CBFB: variants seen among roughly 807,000 people sequenced by gnomAD.
CBFB encodes CBF-beta.
CBFB carries 9 observed loss-of-function variants against 30.4 expected under a neutral mutation model. The observed-to-expected ratio is 0.30, with a 90% CI of 0.18 to 0.52. The LOEUF is 0.52. CBFB is among the 20% of genes least tolerant of loss of function. The pLI, the probability that CBFB is intolerant of heterozygous loss-of-function variation, is 0.97. For synonymous variants in CBFB, 94 were observed against 84.0 expected (o/e 1.12, Z -0.65); for missense variants, 170 against 244.0 (o/e 0.70, Z 2.02).
intron 2 of CBFB, among the ~76,000 whole-genome samples, chr16:67,032,279 C>G (rs1448372239): frequency 6.6e-6 from 1 of 152,102 alleles, no homozygotes; most frequent in African/African-American, 2.4e-5. Context: ...TAGCCATGAT[C>G]GTACCACTGC....
chr16:67,066,817 T>C lies in CBFB; in HGVS notation c.399+19T>C. On this transcript the variant is annotated intron_variant, in intron 4 of 5. Transcript: ENST00000412916. ...AGCCCAGGTAGGGTAACATCAGGCT[T>C]TATTGAGCATGGTCCCTTTAGTCCC... 7.2e-7 allele frequency: 1 copy of C among 1,383,750 alleles called. No individual in the cohort carries two copies. Among genetic ancestry groups the C allele is most frequent in the Middle Eastern group, 2.2e-4 (1 of 4,464 alleles). 85.7% of individuals were successfully genotyped at this position (1,383,750 alleles called of 1,614,324 possible). A position where few individuals can be genotyped will look rare whatever the true frequency, so the allele number is the denominator to read the frequency against.
At chr16:67,085,500 G>GC (rs1961698720) in intron 5 of CBFB, among the ~76,000 whole-genome samples, 1 of 2,252 alleles carries the variant, frequency 4.4e-4, no homozygotes, top group African/African-American at 2.7e-3. Context: ...TTTTTTTTGG[G>GC]TGGGGGTGGG....
At chr16:67,084,796 C>CA (rs2145774998) in intron 5 of CBFB, among the ~76,000 whole-genome samples, 1 of 150,978 alleles carries the variant, frequency 6.6e-6, no homozygotes, top group Non-Finnish European at 1.5e-5. Context: ...TGGGTGCAGA[C>CA]AGTGGCTAAG....
At chr16:67,030,162 T>TC (rs1966310954) in intron 2 of CBFB, 3 of 217,218 alleles carry the variant, frequency 1.4e-5, no homozygotes, top group Non-Finnish European at 2.7e-5. Context: ...GAAAAAGAAG[T>TC]GGAGCTTCAT....
rs368553373 is a variant in CBFB, at chr16:67,029,708, G to C, written c.79-19G>C. 18 of 1,575,454 alleles carry C rather than the reference G, an allele frequency of 1.1e-5. No homozygotes were observed. The highest frequency in any genetic ancestry group is 1.8e-5 in the Admixed American group (1 of 56,820). On this transcript the variant is annotated intron_variant, in intron 1 of 5. Transcript: ENST00000412916. Reference sequence around the variant, plus strand: ...CGCCGCGGATTTGGCTCCTGATTTCGGGCCGTCTTGCCTTGCAGATTAAGT... The same window carrying C: ...CGCCGCGGATTTGGCTCCTGATTTCCGGCCGTCTTGCCTTGCAGATTAAGT...
intron 3 of CBFB, among the ~76,000 whole-genome samples, chr16:67,056,831 G>A (rs1414494873): frequency 6.6e-6 from 1 of 152,102 alleles, no homozygotes; most frequent in East Asian, 1.9e-4. Context: ...ACAGGTGCGT[G>A]CCACCACACC....
intron 3 of CBFB, among the ~76,000 whole-genome samples, chr16:67,055,511 G>A (rs1406461976): frequency 2.0e-5 from 3 of 151,500 alleles, no homozygotes; most frequent in African/African-American, 7.3e-5. Context: ...CCGCCACCAC[G>A]CCCAGCTGAT....
intron 2 of CBFB, among the ~76,000 whole-genome samples, chr16:67,035,768 A>G (rs1966431785): frequency 6.6e-6 from 1 of 152,208 alleles, no homozygotes; most frequent in African/African-American, 2.4e-5. Flanking sequence ...TTCAGCAAAG[A>G]AGAGTTTACA....
At chr16:67,049,933 G>A (rs1465806431) in intron 3 of CBFB, among the ~76,000 whole-genome samples, 1 of 151,866 alleles carries the variant, frequency 6.6e-6, no homozygotes, top group Non-Finnish European at 1.5e-5. Context: ...AGGAAACTGA[G>A]GCCAGGAGGC....
intron 2 of CBFB, among the ~76,000 whole-genome samples, chr16:67,031,023 G>T (rs1004718639): frequency 6.6e-6 from 1 of 152,172 alleles, no homozygotes; most frequent in East Asian, 1.9e-4. Flanking sequence ...ACAGTAGGAA[G>T]ACATTGGAAA....
In CBFB at chr16:67,099,967, G is replaced by GTT. The variant is rs1322045758; in HGVS notation, c.*1190_*1191dup. On this transcript the variant is annotated 3_prime_UTR_variant, in exon 6 of 6. Coordinates refer to ENST00000412916, the MANE Select transcript of CBFB (RefSeq NM_022845.3). ...ATTAATTCTGGAAAAAACGTTCACA[G>GTT]TTATATATATGGTATTTTGCAAAAG... The GTT allele has an allele frequency of 4.8e-6, 1 of 208,008 alleles. No individual in the cohort carries two copies. The highest frequency in any genetic ancestry group is 9.8e-6 in the Non-Finnish European group (1 of 101,962). 12.9% of individuals were successfully genotyped at this position (208,008 alleles called of 1,614,324 possible).
At chr16:67,052,774 C>T (rs1012578258) in intron 3 of CBFB, among the ~76,000 whole-genome samples, 2 of 152,044 alleles carry the variant, frequency 1.3e-5, no homozygotes, top group Admixed American at 6.5e-5. Flanking sequence ...CCAGCCCGGG[C>T]AACAAAGTGA....
intron 4 of CBFB, among the ~76,000 whole-genome samples, chr16:67,074,006 G>A (rs191030270): frequency 1.8e-4 from 28 of 152,064 alleles, no homozygotes; most frequent in African/African-American, 6.5e-4. Flanking sequence ...TCCAAGCCTG[G>A]GCAACAGAGC....
chr16:67,065,760 A>C (rs1961033414), intron 3 of CBFB, among the ~76,000 whole-genome samples: 1 of 152,178 alleles, frequency 6.6e-6, no homozygotes, highest in Non-Finnish European at 1.5e-5. Flanking sequence ...TTAACTTACC[A>C]GTTTCTAGAT....
At chr16:67,053,468 G>C (rs1454704296) in intron 3 of CBFB, among the ~76,000 whole-genome samples, 1 of 151,516 alleles carries the variant, frequency 6.6e-6, no homozygotes, top group African/African-American at 2.4e-5. Flanking sequence ...TGTTAGCCAG[G>C]CTGGTCTCGA....
chr16:67,075,279 A>G (rs1393831723), intron 4 of CBFB, among the ~76,000 whole-genome samples: 1 of 151,786 alleles, frequency 6.6e-6, no homozygotes, highest in Non-Finnish European at 1.5e-5. Context: ...CATTGAAAGG[A>G]AACACAGACA....
chr16:67,051,788 G>A (rs1240702314), intron 3 of CBFB, among the ~76,000 whole-genome samples: 4 of 149,268 alleles, frequency 2.7e-5, no homozygotes, highest in Admixed American at 6.7e-5. Flanking sequence ...TCGCTCTGTT[G>A]CCCAGGCTGG....
At chr16:67,045,060 C>T (rs984605959) in intron 3 of CBFB, among the ~76,000 whole-genome samples, 3 of 151,818 alleles carry the variant, frequency 2.0e-5, no homozygotes, top group South Asian at 2.1e-4. Flanking sequence ...CTAATAATAA[C>T]GGAATCATAA....
chr16:67,083,009 T>A (rs999185064), intron 5 of CBFB, among the ~76,000 whole-genome samples: 2 of 152,164 alleles, frequency 1.3e-5, no homozygotes, highest in Non-Finnish European at 2.9e-5. Flanking sequence ...AGCAACTCTG[T>A]CTCTACAAAA....
Sources: allele counts gnomAD v4.1 joint callset (sites outside exome capture counted in the v4.1 genomes callset), GRCh38; gene constraint gnomAD v4.1.1; transcripts MANE v1.5; gene names NCBI Gene and HGNC (gene_info 2026-07-23, HGNC 2026-07-21).